GNAQ: variants seen among roughly 807,000 people sequenced by gnomAD.
GNAQ encodes the protein guanine nucleotide-binding protein G(q) subunit alpha.
Under a neutral mutation model 43.9 loss-of-function variants are expected in GNAQ, and 8 were observed. The observed-to-expected ratio is 0.18, with a 90% CI of 0.11 to 0.33. GNAQ has a LOEUF of 0.33. Ranked by LOEUF, GNAQ falls within the 10% of genes least tolerant of loss-of-function variation. The probability of loss-of-function intolerance (pLI) is 1.00; values close to 1 mark genes in which losing one functional copy is unlikely to be tolerated. For synonymous variants in GNAQ, 155 were observed against 170.7 expected (o/e 0.91, Z 0.71); for missense variants, 158 against 450.8 (o/e 0.35, Z 5.88).
intron 2 of GNAQ, among the ~76,000 whole-genome samples, chr9:77,885,528 G>C (rs528199232): frequency 1.3e-5 from 2 of 152,234 alleles, no homozygotes; most frequent in South Asian, 2.1e-4. Flanking sequence ...TTCAGAAAGG[G>C]AGAAAAGTAT....
chr9:77,793,462 G>T (rs933628402), intron 5 of GNAQ, among the ~76,000 whole-genome samples: 1 of 152,200 alleles, frequency 6.6e-6, no homozygotes, highest in Non-Finnish European at 1.5e-5. Context: ...TTTTAATGGA[G>T]ATATTAATAC....
chr9:77,880,900 C>T (rs1005276045), intron 2 of GNAQ, among the ~76,000 whole-genome samples: 6 of 152,064 alleles, frequency 3.9e-5, no homozygotes, highest in Admixed American at 2.6e-4. Flanking sequence ...TAGAGGACCA[C>T]GAGCGAAGTA....
At chr9:77,846,508 C>T (rs1587943038) in intron 2 of GNAQ, among the ~76,000 whole-genome samples, 1 of 152,084 alleles carries the variant, frequency 6.6e-6, no homozygotes, top group African/African-American at 2.4e-5. Context: ...TCCAAAGAAA[C>T]GTGGGCAATC....
chr9:77,913,596 C>T (rs759983833), intron 2 of GNAQ, among the ~76,000 whole-genome samples: 35 of 152,234 alleles, frequency 2.3e-4, no homozygotes, highest in African/African-American at 6.0e-4. Flanking sequence ...AAGTTAACAA[C>T]GTGGGTGAAT....
At chr9:77,809,539 G>C (rs1467637260) in intron 3 of GNAQ, among the ~76,000 whole-genome samples, 4 of 152,134 alleles carry the variant, frequency 2.6e-5, no homozygotes, top group Non-Finnish European at 5.9e-5. Context: ...AGAGCCTTCA[G>C]GCTTTTTATC....
chr9:77,958,877 T>C (rs1823073564), intron 1 of GNAQ, among the ~76,000 whole-genome samples: 1 of 152,328 alleles, frequency 6.6e-6, no homozygotes, highest in African/African-American at 2.4e-5. Flanking sequence ...TTTGCAACCC[T>C]TGGCAAACTC....
Position 77,879,356 on chromosome 9 carries a change from C to G in GNAQ, c.321+42805G>C, listed in dbSNP as rs181787757. Among the ~76,000 whole-genome samples the G allele has an allele frequency of 1.8e-3, 279 of 152,108 alleles. 2 individuals carry two copies. The highest frequency in any genetic ancestry group is 6.3e-3 in the African/African-American group (261 of 41,500). ...TAAGCTCACTGCAACCTCCGCCTCC[C>G]GGGTTCAAATGATTCTCCTGCCTCA... On this transcript the variant is annotated intron_variant, in intron 2 of 6. Transcript: ENST00000286548.
chr9:77,971,995 ACT>A (rs1823242739), intron 1 of GNAQ, among the ~76,000 whole-genome samples: 1 of 152,172 alleles, frequency 6.6e-6, no homozygotes, highest in African/African-American at 2.4e-5. Flanking sequence ...ATTTTTGCAC[ACT>A]GATTTTGTAT....
intron 5 of GNAQ, among the ~76,000 whole-genome samples, chr9:77,794,155 T>A (rs1450389359): frequency 6.6e-6 from 1 of 152,132 alleles, no homozygotes. Context: ...TTCTATCCTG[T>A]AGGAGGAAGA....
chr9:77,756,392 C>T (rs1471967945), intron 5 of GNAQ, among the ~76,000 whole-genome samples: 1 of 152,224 alleles, frequency 6.6e-6, no homozygotes, highest in African/African-American at 2.4e-5. Context: ...CCCTATGGCA[C>T]AGACTATTCA....
chr9:77,779,735 A>G (rs1826362232), intron 5 of GNAQ, among the ~76,000 whole-genome samples: 1 of 151,710 alleles, frequency 6.6e-6, no homozygotes, highest in African/African-American at 2.4e-5. Flanking sequence ...CAGAAATCAA[A>G]GAGTGATCAC....
chr9:77,976,635 C>T (rs1823306241), intron 1 of GNAQ, among the ~76,000 whole-genome samples: 1 of 152,198 alleles, frequency 6.6e-6, no homozygotes, highest in African/African-American at 2.4e-5. Context: ...CGTGATCCAC[C>T]CACCTCAGCC....
intron 1 of GNAQ, among the ~76,000 whole-genome samples, chr9:77,944,809 G>T (rs931653807): frequency 6.6e-6 from 1 of 152,182 alleles, no homozygotes; most frequent in African/African-American, 2.4e-5. Flanking sequence ...TTTGTGATTG[G>T]AGTGACAAGA....
intron 2 of GNAQ, among the ~76,000 whole-genome samples, chr9:77,911,856 T>C (rs1828810992): frequency 6.6e-6 from 1 of 152,016 alleles, no homozygotes; most frequent in African/African-American, 2.4e-5. Flanking sequence ...CCTTCATAAA[T>C]AAGGACACTG....
intron 5 of GNAQ, among the ~76,000 whole-genome samples, chr9:77,730,416 C>T (rs1414583814): frequency 6.6e-6 from 1 of 152,132 alleles, no homozygotes; most frequent in African/African-American, 2.4e-5. Flanking sequence ...TTCTGGAAAC[C>T]TCCAGGGAAC....
intron 5 of GNAQ, among the ~76,000 whole-genome samples, chr9:77,759,502 T>C (rs1825955265): frequency 6.6e-6 from 1 of 152,142 alleles, no homozygotes; most frequent in South Asian, 2.1e-4. Flanking sequence ...GCGAAACACT[T>C]AAAAACCAAT....
intron 3 of GNAQ, among the ~76,000 whole-genome samples, chr9:77,811,868 C>T (rs181879497): frequency 1.5e-4 from 23 of 152,256 alleles, no homozygotes; most frequent in Admixed American, 3.3e-4. Context: ...TTTATACACA[C>T]AACCCCTTAC....
intron 4 of GNAQ, 88 bp from the exon 5 acceptor site, chr9:77,794,680 A>G (rs2118445332): frequency 1.5e-6 from 1 of 663,354 alleles, no homozygotes; most frequent in Non-Finnish European, 2.5e-6. Context: ...AAACTTAGGG[A>G]AAATATTCTC....
intron 1 of GNAQ, among the ~76,000 whole-genome samples, chr9:77,983,433 C>A (rs1048764209): frequency 6.6e-6 from 1 of 152,330 alleles, no homozygotes; most frequent in South Asian, 2.1e-4. Context: ...CCTTTTGGTT[C>A]TCACCCTGCT....
Sources: allele counts gnomAD v4.1 joint callset (sites outside exome capture counted in the v4.1 genomes callset), GRCh38; gene constraint gnomAD v4.1.1; transcripts MANE v1.5; gene names NCBI Gene and HGNC (gene_info 2026-07-23, HGNC 2026-07-21).